The following HIVEP3 variants were observed in gnomAD, a reference collection of about 807,000 sequenced individuals.
HIVEP3 encodes HIVEP zinc finger 3, also known as transcription factor HIVEP3.
A neutral mutation model predicts 152.8 loss-of-function variants in HIVEP3; 49 were observed. That is an observed-to-expected ratio of 0.32 (90% CI 0.26 to 0.41). HIVEP3 has a LOEUF of 0.41. Ranked by LOEUF, HIVEP3 falls within the 10% of genes least tolerant of loss-of-function variation. The pLI, the probability that HIVEP3 is intolerant of heterozygous loss-of-function variation, is 1.00. For missense variants in HIVEP3, 2,790 were observed against 3,103.3 expected (o/e 0.90, Z 2.40); for synonymous variants, 1,269 against 1,289.0 (o/e 0.98, Z 0.33).
Position 41,580,542 on chromosome 1 carries a change from TC to T in HIVEP3, c.4255del (p.Glu1419ArgfsTer32). 6.2e-7 allele frequency: 1 copy of T among 1,614,208 alleles called. No homozygotes were observed. Among genetic ancestry groups the T allele is most frequent in the Non-Finnish European group, 8.5e-7 (1 of 1,180,038 alleles). On this transcript the variant is annotated frameshift_variant, in exon 4 of 9. Transcript: ENST00000372583. LOFTEE classifies it high-confidence loss of function. ...SLSSESILSLEGSSSTAGGSK... is the reference protein window; with the variant it reads ...SLSSESILSLXGSSSTAGGSK... ...TCCCCCTGCTGTTGATGAACTCCCC[TC>T]CAGGCTCAAGATACTCTCTGATGAC...
At chr1:41,889,401 C>A (rs1644411532) in intron 1 of HIVEP3, among the ~76,000 whole-genome samples, 1 of 152,138 alleles carries the variant, frequency 6.6e-6, no homozygotes, top group Non-Finnish European at 1.5e-5. Context: ...TTCTCAATGT[C>A]CCCGACACTG....
intron 1 of HIVEP3, among the ~76,000 whole-genome samples, chr1:42,024,167 T>C (rs1280104994): frequency 6.6e-6 from 1 of 152,222 alleles, no homozygotes; most frequent in Non-Finnish European, 1.5e-5. Flanking sequence ...TGATCATGGA[T>C]ATTTCTCTTC....
intron 1 of HIVEP3, among the ~76,000 whole-genome samples, chr1:41,754,905 G>A (rs998383946): frequency 3.3e-5 from 5 of 152,182 alleles, no homozygotes; most frequent in Non-Finnish European, 5.9e-5. Flanking sequence ...ACACTGCAGC[G>A]GAAGTTTAAA....
chr1:41,973,046 G>GCACACA (rs61424124), intron 1 of HIVEP3, among the ~76,000 whole-genome samples: 8,051 of 147,172 alleles, frequency 0.055, 736 homozygotes, highest in African/African-American at 0.19. Flanking sequence ...ACATGTGCGT[G>GCACACA]CACACACACA....
rs143150337 is a variant in HIVEP3 at position 41,821,450 on chromosome 1, C to T, written c.-801+96963G>A. ...AGCTTTTTGGGCCTATGTCAAGCAT[C>T]GGAGCAGATATCTCTCAACTGCAGG... On this transcript the variant is annotated intron_variant, in intron 1 of 8. Coordinates refer to ENST00000372583, the MANE Select transcript of HIVEP3 (RefSeq NM_024503.5). Among the ~76,000 whole-genome samples the T allele has an allele frequency of 1.1e-3, 162 of 152,262 alleles. 2 individuals carry two copies. In the East Asian group the frequency reaches 0.019, roughly 18 times the overall value.
At chr1:41,622,426 G>A (rs1015793471) in intron 3 of HIVEP3, among the ~76,000 whole-genome samples, 4 of 152,216 alleles carry the variant, frequency 2.6e-5, no homozygotes, top group African/African-American at 4.8e-5. Context: ...AACGGGAACA[G>A]GCTGAACTGG....
At chr1:41,545,698 C>CCACCAT (rs1643778006) in intron 5 of HIVEP3, among the ~76,000 whole-genome samples, 1 of 4,712 alleles carries the variant, frequency 2.1e-4, no homozygotes, top group African/African-American at 1.8e-3. Context: ...ACCACCATCA[C>CCACCAT]CACCACCACC....
At chr1:41,740,088 G>T (rs548696072) in intron 1 of HIVEP3, among the ~76,000 whole-genome samples, 1 of 152,312 alleles carries the variant, frequency 6.6e-6, no homozygotes, top group Admixed American at 6.5e-5. Context: ...GCAGATCCAG[G>T]ACTCAAACCT....
chr1:41,712,307 C>T (rs901878007), intron 1 of HIVEP3, among the ~76,000 whole-genome samples: 6 of 152,208 alleles, frequency 3.9e-5, no homozygotes, highest in South Asian at 2.1e-4. Flanking sequence ...CCATTCATTC[C>T]GTAAAGATGC....
At chr1:41,526,677 GCACCCCCACACTCA>G (rs1642944535) in intron 5 of HIVEP3, among the ~76,000 whole-genome samples, 2 of 6,240 alleles carry the variant, frequency 3.2e-4, no homozygotes, top group African/African-American at 1.5e-3. Flanking sequence ...ATACCTGCTC[GCACCCCCACACTCA>G]CCCTCACGCA....
intron 5 of HIVEP3, among the ~76,000 whole-genome samples, chr1:41,527,186 C>CCTCA (rs1642989049): frequency 1.0e-5 from 1 of 96,568 alleles, no homozygotes; most frequent in African/African-American, 4.1e-5. Context: ...ACCCACTCAC[C>CCTCA]TTCACTCCCA....
chr1:41,639,604 T>G (rs1645341328), intron 2 of HIVEP3, among the ~76,000 whole-genome samples: 2 of 152,180 alleles, frequency 1.3e-5, no homozygotes, highest in Admixed American at 1.3e-4. Context: ...TCTCTCCTCC[T>G]TCTGGCTTCT....
intron 1 of HIVEP3, among the ~76,000 whole-genome samples, chr1:41,943,157 C>T (rs969823247): frequency 1.3e-5 from 2 of 152,088 alleles, no homozygotes; most frequent in Non-Finnish European, 2.9e-5. Context: ...CCACCTGCCT[C>T]GGCCTCCCAA....
chr1:41,682,221 G>T (rs543555089), intron 2 of HIVEP3, among the ~76,000 whole-genome samples: 1 of 152,236 alleles, frequency 6.6e-6, no homozygotes, highest in South Asian at 2.1e-4. Context: ...GAACTATGCT[G>T]CCCTGGGTCT....
At chr1:41,818,520 C>T (rs1183862163) in intron 1 of HIVEP3, among the ~76,000 whole-genome samples, 1 of 152,100 alleles carries the variant, frequency 6.6e-6, no homozygotes, top group Non-Finnish European at 1.5e-5. Context: ...CTGAAAGCAA[C>T]CCAAGTGCTT....
intron 1 of HIVEP3, among the ~76,000 whole-genome samples, chr1:41,972,751 T>C (rs1214111372): frequency 6.6e-6 from 1 of 152,172 alleles, no homozygotes; most frequent in Admixed American, 6.5e-5. Context: ...TTCTGGTTCT[T>C]GACATCTTCA....
intron 1 of HIVEP3, among the ~76,000 whole-genome samples, chr1:41,923,925 A>G (rs1319191112): frequency 6.6e-6 from 1 of 152,222 alleles, no homozygotes; most frequent in Admixed American, 6.5e-5. Context: ...TAGTGGAAAG[A>G]AAAGCATGTG....
At chr1:41,915,915 G>T (rs1359514) in intron 1 of HIVEP3, among the ~76,000 whole-genome samples, 1 of 152,142 alleles carries the variant, frequency 6.6e-6, no homozygotes, top group Non-Finnish European at 1.5e-5. Context: ...AATACACTTT[G>T]ACTCCACAGG....
chr1:41,800,832 G>A (rs1308994424), intron 1 of HIVEP3, among the ~76,000 whole-genome samples: 2 of 152,172 alleles, frequency 1.3e-5, no homozygotes, highest in East Asian at 1.9e-4. Context: ...ATAGAGATGG[G>A]CTAGGATATG....
Sources: allele counts gnomAD v4.1 joint callset (sites outside exome capture counted in the v4.1 genomes callset), GRCh38; gene constraint gnomAD v4.1.1; transcripts MANE v1.5; gene names NCBI Gene and HGNC (gene_info 2026-07-23, HGNC 2026-07-21).